Variants in SLC35F1 observed in about 807,000 individuals in gnomAD.
SLC35F1 encodes chromosome 6 open reading frame 169.
In SLC35F1, 14 loss-of-function variants were observed where a neutral mutation model predicts 48.7. The ratio of observed to expected loss-of-function variants is 0.29; its 90% CI spans 0.19 to 0.45. The LOEUF is 0.45. Among genes scored for constraint, SLC35F1 ranks in the 20% least tolerant of loss-of-function variants. The pLI is 1.00. For synonymous variants in SLC35F1, 190 were observed against 202.2 expected, an observed-to-expected ratio of 0.94 and a Z score of 0.51; for missense variants, 404 against 500.0, an observed-to-expected ratio of 0.81 and a Z score of 1.83.
intron 1 of SLC35F1, among the ~76,000 whole-genome samples, chr6:118,128,482 TA>T (rs1358779100): frequency 6.6e-6 from 1 of 151,902 alleles, no homozygotes; most frequent in African/African-American, 2.4e-5. Flanking sequence ...TATGCAGCCA[TA>T]AAAAATGATG....
chr6:117,950,001 G>T (rs1288638498), intron 1 of SLC35F1, among the ~76,000 whole-genome samples: 1 of 152,064 alleles, frequency 6.6e-6, no homozygotes, highest in Non-Finnish European at 1.5e-5. Context: ...AGCTCTTTTG[G>T]TGTATGTAGC....
intron 1 of SLC35F1, among the ~76,000 whole-genome samples, chr6:118,003,413 G>A (rs1777131919): frequency 6.6e-6 from 1 of 152,204 alleles, no homozygotes; most frequent in Non-Finnish European, 1.5e-5. Context: ...GTTGGTTCTG[G>A]TCCTGGTTCC....
At chr6:117,934,601 T>G (rs923461413) in intron 1 of SLC35F1, among the ~76,000 whole-genome samples, 1 of 152,172 alleles carries the variant, frequency 6.6e-6, no homozygotes, top group Non-Finnish European at 1.5e-5. Flanking sequence ...AGTTATGAAA[T>G]TCATAAATTA....
At chr6:118,116,348 G>T (rs1773475961) in intron 1 of SLC35F1, among the ~76,000 whole-genome samples, 1 of 152,186 alleles carries the variant, frequency 6.6e-6, no homozygotes, top group Non-Finnish European at 1.5e-5. Flanking sequence ...GACCATGCTT[G>T]CAAACCTTTG....
chr6:118,068,837 T>C (rs367950783), intron 1 of SLC35F1, among the ~76,000 whole-genome samples: 14 of 152,296 alleles, frequency 9.2e-5, no homozygotes, highest in African/African-American at 3.4e-4. Flanking sequence ...CCATAGACTT[T>C]ACAAAGGAGG....
At chr6:118,091,591 A>G (rs1773074513) in intron 1 of SLC35F1, among the ~76,000 whole-genome samples, 1 of 152,184 alleles carries the variant, frequency 6.6e-6, no homozygotes, top group African/African-American at 2.4e-5. Flanking sequence ...AGTCTTGGGT[A>G]TGTCTTTATT....
chr6:118,124,046 G>T (rs1251673617), intron 1 of SLC35F1, among the ~76,000 whole-genome samples: 1 of 152,110 alleles, frequency 6.6e-6, no homozygotes, highest in Admixed American at 6.6e-5. Context: ...TCTCTTTTGA[G>T]AATTTGTCTC....
chr6:118,113,308 A>C (rs894671360), intron 1 of SLC35F1, among the ~76,000 whole-genome samples: 3 of 152,092 alleles, frequency 2.0e-5, no homozygotes, highest in Admixed American at 2.0e-4. Context: ...GCTGGTTTTA[A>C]ACTCTTGACC....
intron 1 of SLC35F1, among the ~76,000 whole-genome samples, chr6:118,052,754 T>A (rs1772408672): frequency 6.6e-6 from 1 of 152,214 alleles, no homozygotes; most frequent in African/African-American, 2.4e-5. Flanking sequence ...AGGATCTAAT[T>A]ATTTTCATCA....
At chr6:117,946,292 A>T (rs991279497) in intron 1 of SLC35F1, among the ~76,000 whole-genome samples, 2 of 152,228 alleles carry the variant, frequency 1.3e-5, no homozygotes, top group African/African-American at 4.8e-5. Flanking sequence ...AATGACATCC[A>T]TATAAATAAA....
At chr6:117,958,705 T>C (rs930698070) in intron 1 of SLC35F1, among the ~76,000 whole-genome samples, 1 of 152,236 alleles carries the variant, frequency 6.6e-6, no homozygotes, top group Non-Finnish European at 1.5e-5. Flanking sequence ...TCTCGGTTTA[T>C]GTAAGTACAT....
chr6:118,217,872 T>C (rs558104213), intron 2 of SLC35F1, among the ~76,000 whole-genome samples: 42 of 152,314 alleles, frequency 2.8e-4, no homozygotes, highest in African/African-American at 8.4e-4. Flanking sequence ...GTTGCTTTCT[T>C]GAAACATTAT....
Position 118,314,330 on chromosome 6 carries a change from A to C in SLC35F1, c.*78A>C. On this transcript the variant is annotated 3_prime_UTR_variant, in exon 8 of 8. Transcript: ENST00000360388. ...ATCATCTCTGTATTGTACATAGAGAAAGGTATTTACTAGGTGCAGTTTACA... is the reference window on the plus strand; with the variant it reads ...ATCATCTCTGTATTGTACATAGAGACAGGTATTTACTAGGTGCAGTTTACA... The C allele has an allele frequency of 7.6e-7, 1 of 1,323,284 alleles. No individual in the cohort carries two copies. Among genetic ancestry groups the C allele is most frequent in the Non-Finnish European group, 1.1e-6 (1 of 933,880 alleles). The allele number at this position is 1,323,284 out of a possible 1,614,324, so 82.0% of individuals were successfully genotyped here.
intron 2 of SLC35F1, among the ~76,000 whole-genome samples, chr6:118,185,346 A>G (rs1485987823): frequency 1.3e-5 from 2 of 152,198 alleles, no homozygotes. Flanking sequence ...AAAGCCAGAA[A>G]GATTTGCAGG....
chr6:117,994,213 C>T (rs1270979493), intron 1 of SLC35F1, among the ~76,000 whole-genome samples: 2 of 151,066 alleles, frequency 1.3e-5, no homozygotes, highest in African/African-American at 2.4e-5. Context: ...CCCCCCCCAT[C>T]CTCAACAGCA....
intron 2 of SLC35F1, among the ~76,000 whole-genome samples, chr6:118,161,099 G>T (rs59289305): frequency 0.17 from 25,942 of 151,798 alleles, 2,292 homozygotes; most frequent in South Asian, 0.31. Flanking sequence ...AAGAAATAGA[G>T]AATTTCATGT....
chr6:117,987,896 G>A (rs1776867839), intron 1 of SLC35F1, among the ~76,000 whole-genome samples: 1 of 152,158 alleles, frequency 6.6e-6, no homozygotes, highest in African/African-American at 2.4e-5. Context: ...AGTCCAGGCA[G>A]TGAACTTTCA....
At chr6:117,969,241 GA>G (rs1393600905) in intron 1 of SLC35F1, among the ~76,000 whole-genome samples, 2 of 152,152 alleles carry the variant, frequency 1.3e-5, no homozygotes, top group Non-Finnish European at 2.9e-5. Context: ...CCTGTAGGCT[GA>G]AACAACTTTA....
intron 2 of SLC35F1, among the ~76,000 whole-genome samples, chr6:118,204,127 G>A (rs577521280): frequency 1.3e-5 from 2 of 151,784 alleles, no homozygotes; most frequent in Non-Finnish European, 2.9e-5. Flanking sequence ...AAGACATAAG[G>A]GAGAGTGAGA....
Sources: gnomAD v4.1 joint callset for allele counts (sites outside exome capture counted in the v4.1 genomes callset) on GRCh38, gnomAD v4.1.1 for gene constraint, MANE v1.5 for transcripts, NCBI Gene and HGNC (gene_info 2026-07-23, HGNC 2026-07-21) for gene names.